Variants in FAM153A observed in about 807,000 individuals in gnomAD.
The protein encoded by FAM153A is protein FAM153A.
In FAM153A, 12 loss-of-function variants were observed where a neutral mutation model predicts 48.1. That is an observed-to-expected ratio of 0.25 (90% CI 0.16 to 0.40). The LOEUF (loss-of-function observed/expected upper bound fraction) is 0.40. Among genes scored for constraint, FAM153A ranks in the 10% least tolerant of loss-of-function variants. FAM153A has a pLI of 1.00. For synonymous variants in FAM153A, 36 were observed against 118.2 expected (o/e 0.30, Z 4.51); for missense variants, 111 against 345.8 (o/e 0.32, Z 5.38).
At chr5:177,761,291 T>G (rs1047324882) in intron 1 of FAM153A, among the ~76,000 whole-genome samples, 4 of 151,650 alleles carry the variant, frequency 2.6e-5, no homozygotes, top group Admixed American at 2.6e-4. Context: ...CAAAGGAAAC[T>G]GCCAACGAGG....
In FAM153A at chr5:177,732,527, T is replaced by G. The variant is rs1246746373; in HGVS notation, c.761-427A>C. Among the ~76,000 whole-genome samples, 2 of 88,668 alleles carry G rather than the reference T, an allele frequency of 2.3e-5. 1 individual carries two copies. The highest frequency in any genetic ancestry group is 7.3e-4 in the East Asian group (2 of 2,752). The allele number at this position is 88,668 out of a possible 152,430, so 58.2% of individuals were successfully genotyped here. A position where few individuals can be genotyped will look rare whatever the true frequency, so the allele number is the denominator to read the frequency against. ...AGAACTTGCTTTTTTTTTTTTTTTT[T>G]GAGATGGAGTTTCTCTTTTCTTGCC... is the stretch of plus-strand genomic sequence containing the variant. On this transcript the variant is annotated intron_variant, in intron 14 of 20. Coordinates refer to ENST00000614127, the Ensembl canonical transcript of FAM153A.
At chr5:177,758,857 T>TCCA (rs1768015899) in intron 1 of FAM153A, among the ~76,000 whole-genome samples, 1 of 141,438 alleles carries the variant, frequency 7.1e-6, no homozygotes, top group Non-Finnish European at 1.6e-5. Context: ...ATGTTAGACT[T>TCCA]AAACCATAAA....
chr5:177,705,418 C>T (rs1161508704), downstream of FAM153A, among the ~76,000 whole-genome samples: 1 of 147,656 alleles, frequency 6.8e-6, no homozygotes, highest in Non-Finnish European at 1.5e-5. Flanking sequence ...CTTCCTGAGG[C>T]CTTCCCAGAA....
intron 10 of FAM153A, among the ~76,000 whole-genome samples, chr5:177,738,236 T>C (rs1349258626): frequency 1.3e-5 from 2 of 151,454 alleles, no homozygotes; most frequent in African/African-American, 2.5e-5. Flanking sequence ...CTGCAGCATA[T>C]GTAAGGCTTG....
chr5:177,737,504 T>C (rs139060669), intron 10 of FAM153A, among the ~76,000 whole-genome samples: 6,893 of 151,192 alleles, frequency 0.046, 477 homozygotes, highest in African/African-American at 0.14. Context: ...CTGTGTATTT[T>C]GTCCCTCCTA....
intron 1 of FAM153A, among the ~76,000 whole-genome samples, chr5:177,752,524 G>A (rs1386333513): frequency 9.8e-4 from 138 of 141,038 alleles, no homozygotes; most frequent in African/African-American, 3.2e-3. Context: ...GGGAGGCTGA[G>A]GCAGGAGAAT....
chr5:177,738,544 T>C (rs1486328404), intron 10 of FAM153A, among the ~76,000 whole-genome samples: 1 of 151,396 alleles, frequency 6.6e-6, no homozygotes, highest in African/African-American at 2.5e-5. Flanking sequence ...ACCTGAACCA[T>C]GTGATTACTT....
intron 12 of FAM153A, among the ~76,000 whole-genome samples, chr5:177,735,269 T>C (rs1211758927): frequency 2.7e-5 from 4 of 146,850 alleles, no homozygotes; most frequent in Non-Finnish European, 4.4e-5. Context: ...GATCTGTTTA[T>C]CATCCCTTCT....
intron 1 of FAM153A, among the ~76,000 whole-genome samples, chr5:177,767,904 A>G (rs1376718273): frequency 2.1e-5 from 2 of 94,886 alleles, no homozygotes; most frequent in African/African-American, 7.9e-5. Context: ...CCAACAAGTA[A>G]GCAATCATTT....
the FAM153A span, among the ~76,000 whole-genome samples, chr5:177,695,644 C>T: frequency 6.6e-6 from 1 of 152,036 alleles, no homozygotes; most frequent in Non-Finnish European, 1.5e-5. Context: ...AATGGAGTCT[C>T]CTATGTCTAC....
chr5:177,711,114 T>C (rs1018084445), exon 27 of FAM153A: 2 of 151,864 alleles, frequency 1.3e-5, no homozygotes, highest in South Asian at 4.1e-4. Flanking sequence ...ATGACACATA[T>C]GTGTGTATAC....
At chr5:177,710,573 C>T (rs1758322851), downstream of FAM153A, among the ~76,000 whole-genome samples, 1 of 150,432 alleles carries the variant, frequency 6.6e-6, no homozygotes, top group African/African-American at 2.5e-5. Flanking sequence ...AACATTGCAG[C>T]TCCAATGTAA....
intron 1 of FAM153A, among the ~76,000 whole-genome samples, chr5:177,761,205 T>C (rs1388730913): frequency 4.6e-5 from 7 of 151,380 alleles, no homozygotes; most frequent in Non-Finnish European, 1.0e-4. Flanking sequence ...TAATGGGCGC[T>C]CCTGCTCAAA....
chr5:177,764,579 G>A (rs1355565565), intron 1 of FAM153A, among the ~76,000 whole-genome samples: 1 of 131,210 alleles, frequency 7.6e-6, no homozygotes, highest in Non-Finnish European at 1.7e-5. Context: ...GCCTCAGGAG[G>A]ACAGCTTTGA....
chr5:177,737,740 G>A (rs1364164373), intron 10 of FAM153A, among the ~76,000 whole-genome samples: 2 of 151,538 alleles, frequency 1.3e-5, no homozygotes, highest in East Asian at 3.9e-4. Context: ...GCCTGGTTTC[G>A]AACGCCTGAC....
At chr5:177,757,596 G>A (rs1263505467), upstream of FAM153A, among the ~76,000 whole-genome samples, 22 of 151,344 alleles carry the variant, frequency 1.5e-4, no homozygotes, top group African/African-American at 4.7e-4. Context: ...CTGGCAAACC[G>A]AATCCAGCAG....
At chr5:177,769,250 A>T (rs1387746148) in intron 1 of FAM153A, among the ~76,000 whole-genome samples, 3 of 92,736 alleles carry the variant, frequency 3.2e-5, no homozygotes, top group Non-Finnish European at 4.4e-5. Context: ...AAAAAAAAAA[A>T]GGGTGAGAAC....
At chr5:177,772,071 C>T (rs1769137050) in intron 1 of FAM153A, among the ~76,000 whole-genome samples, 1 of 98,270 alleles carries the variant, frequency 1.0e-5, no homozygotes, top group Non-Finnish European at 2.1e-5. Context: ...TCTTGGGAAC[C>T]CTTGTCACAA....
At chr5:177,764,501 G>A (rs1768569170) in intron 1 of FAM153A, among the ~76,000 whole-genome samples, 1 of 137,950 alleles carries the variant, frequency 7.2e-6, no homozygotes, top group East Asian at 2.4e-4. Context: ...ACCTGCGCTA[G>A]CCCCAGTGAG....
Sources: allele counts gnomAD v4.1 joint callset (sites outside exome capture counted in the v4.1 genomes callset), GRCh38; gene constraint gnomAD v4.1.1; transcripts MANE v1.5; gene names NCBI Gene and HGNC (gene_info 2026-07-23, HGNC 2026-07-21).